Variants in VNN2 observed in about 807,000 individuals in gnomAD.
VNN2 encodes the protein pantetheine hydrolase VNN2.
VNN2 carries 43 observed loss-of-function variants against 43.0 expected under a neutral mutation model. The ratio of observed to expected loss-of-function variants is 1.00; its 90% confidence interval spans 0.78 to 1.29. VNN2 has a LOEUF of 1.29. VNN2 is among the 50% of genes most tolerant of loss of function. The pLI, the probability that VNN2 is intolerant of heterozygous loss-of-function variation, is 0.00. For synonymous variants in VNN2, 230 were observed against 224.3 expected, an observed-to-expected ratio of 1.03 and a Z score of -0.23; for missense variants, 652 against 619.7, an observed-to-expected ratio of 1.05 and a Z score of -0.55.
chr6:132,758,954 C>T (rs1780658199), upstream of VNN2, among the ~76,000 whole-genome samples: 1 of 151,882 alleles, frequency 6.6e-6, no homozygotes, highest in African/African-American at 2.4e-5. Context: ...CCCATCCTCC[C>T]CCTACTTCTC....
chr6:132,749,657 C>T, intron 6 of VNN2, 38 bp downstream of exon 6: 3 of 1,566,416 alleles, frequency 1.9e-6, no homozygotes, highest in Non-Finnish European at 2.6e-6. Flanking sequence ...CTTCAGAGAA[C>T]ATATAAAATG....
rs768497730 is a variant in VNN2, at chr6:132,751,450, G to T, written c.895C>A (p.Leu299Ile). Residue 299 changes from leucine (L) to isoleucine (I), a missense_variant, in exon 5 of 7, where the codon CTT (leucine) becomes ATT (isoleucine). By Grantham distance (5) the Leu-to-Ile change is conservative (BLOSUM62 2). Coordinates refer to ENST00000326499, the MANE Select transcript of VNN2 (RefSeq NM_004665.6). The stretch of plus-strand genomic sequence containing the variant: ...TGTGAATCCACCTCTGAAAGGAGAA[G>T]TTTTCCCAACTCTGTCTTCATGTCA... ...HYDMKTELGKLLLSEVDSHPL... is the reference protein window; with the variant it reads ...HYDMKTELGKILLSEVDSHPL... The T allele has an allele frequency of 6.8e-6, 11 of 1,614,144 alleles. No individual in the cohort carries two copies. The highest frequency in any genetic ancestry group is 7.6e-6 in the Non-Finnish European group (9 of 1,180,016).
chr6:132,747,364 T>C (rs1030753401), intron 6 of VNN2, among the ~76,000 whole-genome samples: 1 of 152,138 alleles, frequency 6.6e-6, no homozygotes, highest in African/African-American at 2.4e-5. Context: ...ATGCCTGTAA[T>C]TCCAGAACTT....
At chr6:132,750,513 A>ATT (rs34119593) in intron 5 of VNN2, among the ~76,000 whole-genome samples, 9,394 of 78,560 alleles carry the variant, frequency 0.12, 971 homozygotes, top group Admixed American at 0.23. Context: ...ATATATATAT[A>ATT]TTTTTCCAGG....
At chr6:132,752,434 A>G in intron 4 of VNN2, 27 bp downstream of exon 4, 1 of 1,585,466 alleles carries the variant, frequency 6.3e-7, no homozygotes, top group Non-Finnish European at 8.6e-7. Flanking sequence ...AAAATATAAG[A>G]TGAAACCTAA....
intron 1 of VNN2, chr6:132,763,340 A>T (rs1422844187): frequency 6.6e-6 from 1 of 152,266 alleles, no homozygotes; most frequent in African/African-American, 2.4e-5. Context: ...TGAGCAAGGA[A>T]GCAAAGAAAA....
chr6:132,758,120 C>T, upstream of VNN2: 1 of 373,318 alleles, frequency 2.7e-6, no homozygotes, highest in Non-Finnish European at 4.7e-6. Flanking sequence ...GCTCAGCTCA[C>T]TACAACTTCC....
At chr6:132,762,367 A>G (rs1780758519), upstream of VNN2, among the ~76,000 whole-genome samples, 1 of 152,250 alleles carries the variant, frequency 6.6e-6, no homozygotes, top group Non-Finnish European at 1.5e-5. Context: ...AGCAAGGGTG[A>G]CACGTCAAAA....
chr6:132,758,039 CTTTTTTTTTTTTTTTTTT>C (rs533088096), upstream of VNN2: 3 of 165,048 alleles, frequency 1.8e-5, no homozygotes, highest in African/African-American at 5.8e-5. Flanking sequence ...TCTTCTTCTT[CTTTTTTTTTTTTTTTTTT>C]TTTTTTGAGG....
chr6:132,749,358 T>C (rs1040262130), intron 6 of VNN2, among the ~76,000 whole-genome samples: 1 of 152,178 alleles, frequency 6.6e-6, no homozygotes, highest in African/African-American at 2.4e-5. Flanking sequence ...GTGAACAAGC[T>C]CAGGTTTGCT....
At chr6:132,759,438 C>CAAAAAAAAAAAAAA (rs58195059), upstream of VNN2, among the ~76,000 whole-genome samples, 4 of 69,164 alleles carry the variant, frequency 5.8e-5, no homozygotes, top group African/African-American at 1.5e-4. Flanking sequence ...AACTCCGTCT[C>CAAAAAAAAAAAAAA]AAAAAAAAAA....
At chr6:132,761,263 A>T (rs1351017270), upstream of VNN2, among the ~76,000 whole-genome samples, 1 of 152,178 alleles carries the variant, frequency 6.6e-6, no homozygotes, top group Non-Finnish European at 1.5e-5. Flanking sequence ...AAAAGAGCCT[A>T]CTTCCTAATT....
intron 5 of VNN2, among the ~76,000 whole-genome samples, chr6:132,750,497 G>GTGTATGTATATATGTGTGTGTATA: frequency 9.6e-6 from 1 of 103,704 alleles, no homozygotes; most frequent in Non-Finnish European, 2.0e-5. Context: ...TTGTATATGT[G>GTGTATGTATATATGTGTGTGTATA]TATATATATA....
At chr6:132,753,033 T>G in intron 3 of VNN2, 1 of 309,550 alleles carries the variant, frequency 3.2e-6, no homozygotes, top group Non-Finnish European at 6.0e-6. Context: ...GTCCGTAAGC[T>G]TTTTTTAAAT....
upstream of VNN2, among the ~76,000 whole-genome samples, chr6:132,758,232 A>G (rs566981500): frequency 2.6e-5 from 4 of 151,458 alleles, no homozygotes; most frequent in Middle Eastern, 3.4e-3. Flanking sequence ...TTTAGTAGAG[A>G]TGGGGTTTCA....
rs397728432 is a variant in VNN2 at position 132,755,383 on chromosome 6, C to CTT, written c.537+458_537+459dup. Among the ~76,000 whole-genome samples the CTT allele has an allele frequency of 6.8e-3, 808 of 118,902 alleles. 20 individuals carry two copies. Among genetic ancestry groups the CTT allele is most frequent in the African/African-American group, 0.02 (656 of 32,096 alleles). 78.0% of individuals were successfully genotyped at this position (118,902 alleles called of 152,430 possible). A position where few individuals can be genotyped will look rare whatever the true frequency, so the allele number is the denominator to read the frequency against. ...TTTCTTTTTTCTTTTTCTTTTTTTTCTTTTTTTTTTTTTGAGAGTCTCCCT... is the reference window on the plus strand; with the variant it reads ...TTTCTTTTTTCTTTTTCTTTTTTTTCTTTTTTTTTTTTTTTGAGAGTCTCCCT... On this transcript the variant is annotated intron_variant, in intron 3 of 6. Coordinates refer to ENST00000326499, the MANE Select transcript of VNN2 (RefSeq NM_004665.6).
intron 6 of VNN2, among the ~76,000 whole-genome samples, chr6:132,747,854 G>T (rs893450118): frequency 6.6e-6 from 1 of 152,124 alleles, no homozygotes; most frequent in Non-Finnish European, 1.5e-5. Flanking sequence ...AAACACTTAT[G>T]TGGTTCAGAG....
At chr6:132,751,657 A>G (rs1414444867) in intron 4 of VNN2, 139 bp from the exon 5 acceptor site, 1 of 962,018 alleles carries the variant, frequency 1.0e-6, no homozygotes, top group Admixed American at 2.9e-5. Flanking sequence ...TTCTAATTGC[A>G]CTGAACACCT....
chr6:132,750,478 A>G (rs999169009), intron 5 of VNN2, among the ~76,000 whole-genome samples: 36 of 94,274 alleles, frequency 3.8e-4, no homozygotes, highest in African/African-American at 1.6e-3. Context: ...TGTCTCTACT[A>G]AAAATATTTT....
Sources: allele counts gnomAD v4.1 joint callset (sites outside exome capture counted in the v4.1 genomes callset), GRCh38; gene constraint gnomAD v4.1.1; transcripts MANE v1.5; gene names NCBI Gene and HGNC (gene_info 2026-07-23, HGNC 2026-07-21).